KCND2: variants seen among roughly 807,000 people sequenced by gnomAD.
KCND2 encodes potassium voltage-gated channel subfamily D member 2, also known as A-type voltage-gated potassium channel KCND2.
KCND2 carries 16 observed loss-of-function variants against 54.4 expected under a neutral mutation model. That is an observed-to-expected ratio of 0.29 (90% CI 0.20 to 0.45). KCND2 has a LOEUF of 0.45. Among genes scored for constraint, KCND2 ranks in the 20% least tolerant of loss-of-function variants. The pLI is 1.00. For missense variants in KCND2, 486 were observed against 824.2 expected (o/e 0.59, Z 5.02); for synonymous variants, 317 against 310.7 (o/e 1.02, Z -0.21).
intron 1 of KCND2, among the ~76,000 whole-genome samples, chr7:120,276,247 A>C (rs967340448): frequency 3.3e-5 from 5 of 152,184 alleles, no homozygotes; most frequent in Admixed American, 6.5e-5. Context: ...CGTAATACAT[A>C]GATTGTAGAT....
chr7:120,314,691 G>A (rs571128480), intron 1 of KCND2, among the ~76,000 whole-genome samples: 57 of 152,204 alleles, frequency 3.7e-4, no homozygotes, highest in African/African-American at 1.3e-3. Flanking sequence ...TTACAAATTT[G>A]TTGTCTCTAT....
chr7:120,384,610 A>G (rs530267787), intron 1 of KCND2, among the ~76,000 whole-genome samples: 3 of 152,292 alleles, frequency 2.0e-5, no homozygotes, highest in Admixed American at 1.3e-4. Context: ...TACTGGATCT[A>G]AATATCTTTT....
At chr7:120,390,504 TAGAC>T (rs1170672910) in intron 1 of KCND2, among the ~76,000 whole-genome samples, 1 of 151,930 alleles carries the variant, frequency 6.6e-6, no homozygotes, top group Non-Finnish European at 1.5e-5. Flanking sequence ...AACCAAGTCT[TAGAC>T]AGCTGAGGGG....
chr7:120,346,486 G>C (rs1364662029), intron 1 of KCND2, among the ~76,000 whole-genome samples: 1 of 152,122 alleles, frequency 6.6e-6, no homozygotes, highest in Admixed American at 6.6e-5. Flanking sequence ...CAAGGATAAG[G>C]TTAGGAGCTT....
At chr7:120,303,332 C>A (rs1279136652) in intron 1 of KCND2, among the ~76,000 whole-genome samples, 1 of 152,132 alleles carries the variant, frequency 6.6e-6, no homozygotes. Flanking sequence ...TATGAAACAA[C>A]AAATTGGCTA....
intron 1 of KCND2, among the ~76,000 whole-genome samples, chr7:120,713,205 A>G (rs941768657): frequency 3.3e-5 from 5 of 152,188 alleles, no homozygotes; most frequent in African/African-American, 1.2e-4. Context: ...TCAGCCCTTT[A>G]TAAGAGAAGC....
intron 1 of KCND2, among the ~76,000 whole-genome samples, chr7:120,609,619 A>G (rs1792926331): frequency 6.6e-6 from 1 of 152,188 alleles, no homozygotes; most frequent in South Asian, 2.1e-4. Context: ...CTGTATCTTA[A>G]AAATGCTCCC....
At chr7:120,621,655 T>TA in intron 1 of KCND2, among the ~76,000 whole-genome samples, 1 of 152,272 alleles carries the variant, frequency 6.6e-6, no homozygotes, top group South Asian at 2.1e-4. Flanking sequence ...ATTTTTTAAA[T>TA]AAAAAATGAA....
chr7:120,327,090 A>G (rs542053153), intron 1 of KCND2, among the ~76,000 whole-genome samples: 2 of 152,220 alleles, frequency 1.3e-5, no homozygotes, highest in Admixed American at 1.3e-4. Context: ...AAACTATGCA[A>G]TCTACAAAGC....
chr7:120,513,083 GC>G (rs902421699), intron 1 of KCND2, among the ~76,000 whole-genome samples: 60 of 152,132 alleles, frequency 3.9e-4, no homozygotes. Context: ...ACAGGAGTGA[GC>G]CCCCGCACCT....
chr7:120,285,644 T>C (rs78376129), intron 1 of KCND2, among the ~76,000 whole-genome samples: 1 of 151,980 alleles, frequency 6.6e-6, no homozygotes, highest in Admixed American at 6.5e-5. Flanking sequence ...ATTTTTTTAA[T>C]GTTTGCAATA....
intron 1 of KCND2, among the ~76,000 whole-genome samples, chr7:120,596,703 T>C (rs553779037): frequency 1.3e-5 from 2 of 150,486 alleles, no homozygotes; most frequent in African/African-American, 4.9e-5. Flanking sequence ...CTGATAAATA[T>C]TTATCACATC....
At chr7:120,711,573 G>C (rs1692911715) in intron 1 of KCND2, among the ~76,000 whole-genome samples, 1 of 152,154 alleles carries the variant, frequency 6.6e-6, no homozygotes, top group Non-Finnish European at 1.5e-5. Context: ...AGGGGACCCA[G>C]AGGGCTCCCT....
At chr7:120,672,949 C>T (rs1792011170) in intron 1 of KCND2, 1 of 151,894 alleles carries the variant, frequency 6.6e-6, no homozygotes, top group South Asian at 2.1e-4. Flanking sequence ...GGTTGACATG[C>T]ATATCTGTGA....
chr7:120,739,473 T>G (rs796105789), intron 2 of KCND2, among the ~76,000 whole-genome samples: 29 of 152,184 alleles, frequency 1.9e-4, no homozygotes, highest in African/African-American at 6.3e-4. Flanking sequence ...GTTAAAATTT[T>G]TCTACCTTCC....
intron 1 of KCND2, among the ~76,000 whole-genome samples, chr7:120,654,178 T>C (rs1401237734): frequency 6.6e-6 from 1 of 152,216 alleles, no homozygotes; most frequent in African/African-American, 2.4e-5. Flanking sequence ...AAGTTGTTCC[T>C]GGTTGTTTCT....
chr7:120,370,286 CA>C (rs1236062861), intron 1 of KCND2, among the ~76,000 whole-genome samples: 1 of 151,876 alleles, frequency 6.6e-6, no homozygotes, highest in African/African-American at 2.4e-5. Context: ...CAGAAAGGGA[CA>C]GGGGAGGCGT....
At chr7:120,721,577 G>A (rs1028338982) in intron 1 of KCND2, among the ~76,000 whole-genome samples, 2 of 152,176 alleles carry the variant, frequency 1.3e-5, no homozygotes, top group Non-Finnish European at 2.9e-5. Context: ...TAGAATTTTA[G>A]AGGAAGCCTC....
chr7:120,432,286 G>A (rs1273004941), intron 1 of KCND2, among the ~76,000 whole-genome samples: 1 of 152,134 alleles, frequency 6.6e-6, no homozygotes, highest in African/African-American at 2.4e-5. Context: ...ATGACACCTT[G>A]TGTTTTCAGG....
Sources: gnomAD v4.1 joint callset for allele counts (sites outside exome capture counted in the v4.1 genomes callset) on GRCh38, gnomAD v4.1.1 for gene constraint, MANE v1.5 for transcripts, NCBI Gene and HGNC (gene_info 2026-07-23, HGNC 2026-07-21) for gene names.